Variants in ATP8B4 observed in about 807,000 individuals in gnomAD.
ATP8B4 encodes ATPase phospholipid transporting 8B4 (putative).
Under a neutral mutation model 145.6 loss-of-function variants are expected in ATP8B4, and 133 were observed. That is an observed-to-expected ratio of 0.91 (90% CI 0.79 to 1.05). The LOEUF (loss-of-function observed/expected upper bound fraction) is 1.05, where lower values mean the gene tolerates loss of function less well. ATP8B4 is among the 50% of genes least tolerant of loss of function. The probability of loss-of-function intolerance (pLI) is 0.00; values close to 1 mark genes in which losing one functional copy is unlikely to be tolerated. For missense variants in ATP8B4, 1,458 were observed against 1,425.2 expected (o/e 1.02, Z -0.37); for synonymous variants, 507 against 492.9 (o/e 1.03, Z -0.38).
intron 13 of ATP8B4, 110 bp from the exon 14 acceptor site, chr15:49,962,130 C>A: frequency 1.3e-6 from 1 of 785,480 alleles, no homozygotes; most frequent in Admixed American, 3.3e-5. Context: ...TACTAAATGG[C>A]ATTATGAATT....
At chr15:49,927,540 A>C (rs2040839030) in intron 16 of ATP8B4, among the ~76,000 whole-genome samples, 1 of 152,136 alleles carries the variant, frequency 6.6e-6, no homozygotes, top group Non-Finnish European at 1.5e-5. Flanking sequence ...GCAAACCTTC[A>C]TGCATTCTGT....
At chr15:50,078,421 A>C (rs975895539) in intron 2 of ATP8B4, among the ~76,000 whole-genome samples, 4 of 152,130 alleles carry the variant, frequency 2.6e-5, no homozygotes, top group African/African-American at 9.7e-5. Flanking sequence ...ACAGAGAACA[A>C]GAAAAAGTCC....
At chr15:49,987,672 A>G in intron 9 of ATP8B4, 123 bp from the exon 10 acceptor site, 2 of 1,007,584 alleles carry the variant, frequency 2.0e-6, no homozygotes, top group Non-Finnish European at 2.8e-6. Context: ...ACATATAAAG[A>G]ATTGTGCTAG....
chr15:49,882,004 G>C lies in ATP8B4; in HGVS notation c.2698-2545C>G, dbSNP rs113250663. ...ATCAGCTGTCGAGGACAGAACGAAG[G>C]CCTGATATTTTCTGGGCTAGCCAAC... On this transcript the variant is annotated intron_variant, in intron 23 of 27. Transcript: ENST00000284509. Among the ~76,000 whole-genome samples the C allele has an allele frequency of 3.5e-3, 539 of 152,286 alleles. 4 individuals carry two copies. The highest frequency in any genetic ancestry group is 0.013 in the African/African-American group (527 of 41,550).
At chr15:50,115,291 G>A (rs2057130684) in intron 1 of ATP8B4, among the ~76,000 whole-genome samples, 1 of 152,004 alleles carries the variant, frequency 6.6e-6, no homozygotes, top group Non-Finnish European at 1.5e-5. Context: ...AGCTGTGATT[G>A]TGCCACTTCA....
intron 6 of ATP8B4, among the ~76,000 whole-genome samples, chr15:50,014,864 G>A (rs2048973341): frequency 6.6e-6 from 1 of 152,138 alleles, no homozygotes; most frequent in Non-Finnish European, 1.5e-5. Flanking sequence ...TTATTTTGCA[G>A]TATCTATCAA....
chr15:50,079,905 A>T (rs1366193035), intron 2 of ATP8B4, among the ~76,000 whole-genome samples: 2 of 152,170 alleles, frequency 1.3e-5, no homozygotes, highest in Non-Finnish European at 2.9e-5. Flanking sequence ...TGAGTACAAG[A>T]CCCGAAAGAA....
At chr15:50,129,196 T>C (rs1274160636) in intron 1 of ATP8B4, among the ~76,000 whole-genome samples, 1 of 152,200 alleles carries the variant, frequency 6.6e-6, no homozygotes, top group African/African-American at 2.4e-5. Context: ...TTTTTTCTTG[T>C]TATCTTGAGG....
At position 49,917,031 on chromosome 15, in the gene ATP8B4, T is replaced by C; in HGVS notation, c.2044A>G (p.Ile682Val). The change falls in exon 20 of 28, where the codon ATC (isoleucine) becomes GTC (valine). Residue 682 changes from isoleucine (I) to valine (V), a missense_variant. By Grantham distance (29) the Ile-to-Val change is conservative. Coordinates refer to ENST00000284509, the MANE Select transcript of ATP8B4 (RefSeq NM_024837.4). ...VLTGDKQETA[I>V]NIGYACNMLT... Reference sequence around the variant, plus strand: ...ATGTTGCAGGCATAACCGATGTTGATGGCAGTTTCTAACACAAAATAAAGC... The same window carrying C: ...ATGTTGCAGGCATAACCGATGTTGACGGCAGTTTCTAACACAAAATAAAGC... 4 of 1,613,918 alleles carry C rather than the reference T, an allele frequency of 2.5e-6. No homozygotes were observed. The highest frequency in any genetic ancestry group is 2.5e-6 in the Non-Finnish European group (3 of 1,179,826).
At chr15:50,011,055 T>TA (rs2048689604) in intron 6 of ATP8B4, 138 bp from the exon 7 acceptor site, 1 of 551,464 alleles carries the variant, frequency 1.8e-6, no homozygotes, top group Non-Finnish European at 3.1e-6. Context: ...AAAATGGTCT[T>TA]ACATTAACAC....
At chr15:49,894,946 C>T (rs1463363149) in intron 23 of ATP8B4, 2 of 152,228 alleles carry the variant, frequency 1.3e-5, no homozygotes, top group Non-Finnish European at 2.9e-5. Flanking sequence ...AGATGTACTT[C>T]TTTTCCTCAA....
At chr15:50,019,811 C>T (rs577484960) in intron 6 of ATP8B4, among the ~76,000 whole-genome samples, 85 of 152,294 alleles carry the variant, frequency 5.6e-4, no homozygotes, top group Non-Finnish European at 1.0e-3. Flanking sequence ...TCCAGAACAT[C>T]CAAGTAGTTT....
chr15:49,900,118 T>C (rs1280228310), intron 21 of ATP8B4, among the ~76,000 whole-genome samples: 2 of 152,206 alleles, frequency 1.3e-5, no homozygotes, highest in Non-Finnish European at 2.9e-5. Context: ...TTACTGTTCT[T>C]CTGTGCATAA....
At position 50,038,757 on chromosome 15, in the gene ATP8B4, G is replaced by A. The variant is rs775696467; in HGVS notation, c.362+11C>T. On this transcript the variant is annotated intron_variant, in intron 6 of 27. Coordinates refer to ENST00000284509, the MANE Select transcript of ATP8B4 (RefSeq NM_024837.4). ...AAATTTTCAGAATAACCCACAGAATGTATTTCTTACTTGCTGTTGATGAGC... is the reference window on the plus strand; with the variant it reads ...AAATTTTCAGAATAACCCACAGAATATATTTCTTACTTGCTGTTGATGAGC... 11 of 1,605,972 alleles carry A rather than the reference G, an allele frequency of 6.8e-6. No homozygotes were observed. Among genetic ancestry groups the A allele is most frequent in the Non-Finnish European group, 8.5e-6 (10 of 1,173,118 alleles).
intron 15 of ATP8B4, 91 bp downstream of exon 15, chr15:49,933,926 G>C: frequency 1.5e-6 from 2 of 1,351,278 alleles, no homozygotes; most frequent in Non-Finnish European, 2.0e-6. Flanking sequence ...CTGCTCAAAT[G>C]CTTAATTTGT....
intron 14 of ATP8B4, among the ~76,000 whole-genome samples, chr15:49,941,061 A>C (rs1848331604): frequency 6.6e-6 from 1 of 152,166 alleles, no homozygotes; most frequent in Non-Finnish European, 1.5e-5. Flanking sequence ...CCAAACTGGG[A>C]AAAGAAAGAA....
intron 14 of ATP8B4, among the ~76,000 whole-genome samples, chr15:49,957,910 A>T (rs1815641693): frequency 6.6e-6 from 1 of 151,882 alleles, no homozygotes; most frequent in African/African-American, 2.4e-5. Context: ...AACAAGATAG[A>T]GCTAAATTAT....
At chr15:49,916,294 T>C (rs2039732820) in intron 20 of ATP8B4, among the ~76,000 whole-genome samples, 1 of 152,124 alleles carries the variant, frequency 6.6e-6, no homozygotes, top group Admixed American at 6.5e-5. Context: ...CACTGCTACC[T>C]CCAATTTCAG....
intron 7 of ATP8B4, 81 bp downstream of exon 7, chr15:50,010,764 C>G (rs1599789051): frequency 1.1e-6 from 1 of 900,736 alleles, no homozygotes; most frequent in East Asian, 3.1e-5. Flanking sequence ...TAAGGATTTA[C>G]TAAATTTGCA....
Sources: allele counts gnomAD v4.1 joint callset (sites outside exome capture counted in the v4.1 genomes callset), GRCh38; gene constraint gnomAD v4.1.1; transcripts MANE v1.5; gene names NCBI Gene and HGNC (gene_info 2026-07-23, HGNC 2026-07-21).